Variants in SCD5 observed in about 807,000 individuals in gnomAD.
SCD5 encodes stearoyl-CoA desaturase 5, also known as acyl-CoA-desaturase 4.
SCD5 carries 20 observed loss-of-function variants against 30.4 expected under a neutral mutation model. That is an observed-to-expected ratio of 0.66 (90% CI 0.46 to 0.96). SCD5 has a LOEUF of 0.96. SCD5 is among the 40% of genes least tolerant of loss of function. The pLI is 0.00. For synonymous variants in SCD5, 173 were observed against 176.4 expected (o/e 0.98, Z 0.16); for missense variants, 381 against 443.3 (o/e 0.86, Z 1.26).
chr4:82,694,251 A>G (rs1719638335), intron 2 of SCD5, among the ~76,000 whole-genome samples: 1 of 152,162 alleles, frequency 6.6e-6, no homozygotes, highest in South Asian at 2.1e-4. Flanking sequence ...CGTGCTTAGC[A>G]GCCCTGTGCT....
intron 3 of SCD5, among the ~76,000 whole-genome samples, chr4:82,653,349 T>C (rs1411100404): frequency 6.6e-6 from 1 of 152,124 alleles, no homozygotes; most frequent in Non-Finnish European, 1.5e-5. Flanking sequence ...TGCATTATCA[T>C]ATTAAATAGA....
chr4:82,751,934 T>C (rs1490173444), intron 1 of SCD5, among the ~76,000 whole-genome samples: 1 of 152,210 alleles, frequency 6.6e-6, no homozygotes, highest in Non-Finnish European at 1.5e-5. Flanking sequence ...CTCTTTTCTC[T>C]AGATTGGAAA....
intron 1 of SCD5, among the ~76,000 whole-genome samples, chr4:82,713,108 T>G (rs1720145729): frequency 6.6e-6 from 1 of 152,216 alleles, no homozygotes; most frequent in Admixed American, 6.5e-5. Flanking sequence ...TGCAGAAAGA[T>G]ATGTTCTCTC....
At chr4:82,645,344 G>A (rs1727616968) in intron 3 of SCD5, among the ~76,000 whole-genome samples, 1 of 149,090 alleles carries the variant, frequency 6.7e-6, no homozygotes, top group East Asian at 1.9e-4. Flanking sequence ...GAAAGAGGAA[G>A]AACTAGAGGG....
intron 1 of SCD5, among the ~76,000 whole-genome samples, chr4:82,753,796 A>G (rs1390714507): frequency 6.6e-6 from 1 of 152,120 alleles, no homozygotes; most frequent in Admixed American, 6.5e-5. Context: ...CCCCCCTGAC[A>G]GAAGTCTATG....
In SCD5 at chr4:82,720,440, AT is replaced by A. The variant is rs1376097245; in HGVS notation, c.233-15028del. Among the ~76,000 whole-genome samples, 29 of 139,334 alleles carry A rather than the reference AT, an allele frequency of 2.1e-4. 1 individual carries two copies. The highest frequency in any genetic ancestry group is 6.6e-4 in the African/African-American group (22 of 33,418). 91.4% of individuals were successfully genotyped at this position (139,334 alleles called of 152,430 possible). A position where few individuals can be genotyped will look rare whatever the true frequency, so the allele number is the denominator to read the frequency against. The stretch of plus-strand genomic sequence containing the variant: ...AGATGCTGTCTCAAAAAAGGCAAAA[AT>A]AAAAAAAAAAAAAAAAAAAAAAGAC... On this transcript the variant is annotated intron_variant, in intron 1 of 4. Transcript: ENST00000319540.
intron 1 of SCD5, among the ~76,000 whole-genome samples, chr4:82,707,800 A>G (rs1719999328): frequency 6.6e-6 from 1 of 152,208 alleles, no homozygotes; most frequent in African/African-American, 2.4e-5. Flanking sequence ...TTCAGGCAAG[A>G]TTGTAGCCCT....
In SCD5 at chr4:82,680,580, T is replaced by A. The variant is rs901157746; in HGVS notation, c.569+127A>T. The A allele has an allele frequency of 2.3e-5, 19 of 838,436 alleles. No homozygotes were observed. The South Asian group carries it at 3.2e-4, about 14-fold the overall frequency. The allele number at this position is 838,436 out of a possible 1,614,324, so 51.9% of individuals were successfully genotyped here. A position where few individuals can be genotyped will look rare whatever the true frequency, so the allele number is the denominator to read the frequency against. On this transcript the variant is annotated intron_variant, in intron 3 of 4. Coordinates refer to ENST00000319540, the MANE Select transcript of SCD5 (RefSeq NM_001037582.3). ...AATTAATAAATAGAGATAAATCTTA[T>A]AAATATGGCAAAATTGTTAGGGCAA...
At chr4:82,666,893 T>A (rs1017818896) in intron 3 of SCD5, among the ~76,000 whole-genome samples, 4 of 152,134 alleles carry the variant, frequency 2.6e-5, no homozygotes, top group Admixed American at 6.5e-5. Context: ...ATCGAAAGGA[T>A]AAGAGACAAT....
At position 82,631,272 on chromosome 4, in the gene SCD5, C is replaced by A; in HGVS notation, c.*55G>T. ...CCAATGTACAAGAGAGCTATTGTAA[C>A]CAAAGCCATGAACCGAGGTTGCAAC... On this transcript the variant is annotated 3_prime_UTR_variant, in exon 5 of 5. Transcript: ENST00000319540. 2 of 1,534,682 alleles carry A rather than the reference C, an allele frequency of 1.3e-6. No homozygotes were observed. The highest frequency in any genetic ancestry group is 8.9e-7 in the Non-Finnish European group (1 of 1,123,574).
At position 82,764,730 on chromosome 4, in the gene SCD5, C is replaced by CTTT. The variant is rs34219216; in HGVS notation, c.232+33573_232+33575dup. Among the ~76,000 whole-genome samples, 869 of 143,214 alleles carry CTTT rather than the reference C, an allele frequency of 6.1e-3. 3 individuals are homozygous for CTTT. Among genetic ancestry groups the CTTT allele is most frequent in the African/African-American group, 0.013 (494 of 38,742 alleles). The allele number at this position is 143,214 out of a possible 152,430, so 94.0% of individuals were successfully genotyped here. A position where few individuals can be genotyped will look rare whatever the true frequency, so the allele number is the denominator to read the frequency against. On this transcript the variant is annotated intron_variant, in intron 1 of 4. Coordinates refer to ENST00000319540, the MANE Select transcript of SCD5 (RefSeq NM_001037582.3). ...ATCTTTTAAATATTTTCTTTTCTTT[C>CTTT]TTTTTTTTTTTTTGAGATGGAGTTT... is the stretch of plus-strand genomic sequence containing the variant.
intron 2 of SCD5, among the ~76,000 whole-genome samples, chr4:82,693,229 C>T (rs1032112937): frequency 4.6e-5 from 7 of 152,182 alleles, no homozygotes; most frequent in Non-Finnish European, 7.3e-5. Flanking sequence ...TACTCAGCTC[C>T]GGTGCCTTTG....
intron 1 of SCD5, among the ~76,000 whole-genome samples, chr4:82,742,864 A>C (rs1391282749): frequency 1.3e-5 from 2 of 152,218 alleles, no homozygotes; most frequent in African/African-American, 4.8e-5. Flanking sequence ...ACAATGTCCA[A>C]CATGTCAAAC....
intron 3 of SCD5, chr4:82,660,043 T>C (rs1019927457): frequency 6.8e-6 from 1 of 147,840 alleles, no homozygotes; most frequent in Non-Finnish European, 1.5e-5. Context: ...TAAAACAGAC[T>C]TTAAACCAAC....
chr4:82,736,335 G>A (rs1358301107), intron 1 of SCD5, among the ~76,000 whole-genome samples: 4 of 151,692 alleles, frequency 2.6e-5, no homozygotes, highest in Non-Finnish European at 5.9e-5. Flanking sequence ...TCAGCCAGGC[G>A]CAGTGGCTCA....
intron 1 of SCD5, among the ~76,000 whole-genome samples, chr4:82,770,189 C>A (rs1201865729): frequency 1.3e-5 from 2 of 152,152 alleles, no homozygotes; most frequent in Non-Finnish European, 2.9e-5. Context: ...CCCCCCTCCC[C>A]ACACCCCACG....
intron 1 of SCD5, chr4:82,775,897 G>A (rs1721733598): frequency 6.6e-6 from 1 of 152,196 alleles, no homozygotes; most frequent in South Asian, 2.1e-4. Context: ...AGAGGCTGCA[G>A]CTTTCAGAGA....
At chr4:82,768,184 T>C (rs947277930) in intron 1 of SCD5, among the ~76,000 whole-genome samples, 1 of 152,136 alleles carries the variant, frequency 6.6e-6, no homozygotes, top group Non-Finnish European at 1.5e-5. Flanking sequence ...ATAAAATAAA[T>C]ACCACAATTA....
chr4:82,654,061 G>A (rs866112434), intron 3 of SCD5, among the ~76,000 whole-genome samples: 13 of 152,098 alleles, frequency 8.5e-5, no homozygotes, highest in African/African-American at 2.4e-4. Flanking sequence ...GGGATTACAG[G>A]TGTCTGCCAC....
Sources: gnomAD v4.1 joint callset for allele counts (sites outside exome capture counted in the v4.1 genomes callset) on GRCh38, gnomAD v4.1.1 for gene constraint, MANE v1.5 for transcripts, NCBI Gene and HGNC (gene_info 2026-07-23, HGNC 2026-07-21) for gene names.